The following GMNC variants were observed in gnomAD, a reference collection of about 807,000 sequenced individuals.
The protein encoded by GMNC is geminin coiled-coil domain-containing protein 1.
A neutral mutation model predicts 33.6 loss-of-function variants in GMNC; 16 were observed. The ratio of observed to expected loss-of-function variants is 0.48; its 90% CI spans 0.32 to 0.72. GMNC has a LOEUF of 0.72. Ranked by LOEUF, GMNC falls within the 30% of genes least tolerant of loss-of-function variation. The pLI is 0.03. For missense variants in GMNC, 393 were observed against 388.9 expected, an observed-to-expected ratio of 1.01 and a Z score of -0.09; for synonymous variants, 156 against 147.3, an observed-to-expected ratio of 1.06 and a Z score of -0.43.
chr3:190,852,151 TACCCTG>T (rs1224424920), downstream of GMNC, among the ~76,000 whole-genome samples: 4 of 152,138 alleles, frequency 2.6e-5, no homozygotes, highest in Admixed American at 2.6e-4. Flanking sequence ...TAAAATTATA[TACCCTG>T]ACCTTACAAG....
At chr3:190,850,229 C>G (rs1264424089), downstream of GMNC, among the ~76,000 whole-genome samples, 1 of 152,212 alleles carries the variant, frequency 6.6e-6, no homozygotes, top group African/African-American at 2.4e-5. Context: ...TTCCTCCATA[C>G]TTTACACTTC....
chr3:190,849,178 T>C (rs2108527489), downstream of GMNC, among the ~76,000 whole-genome samples: 1 of 152,262 alleles, frequency 6.6e-6, no homozygotes, highest in East Asian at 1.9e-4. Context: ...GACAACAGGA[T>C]TGGCTAGGTG....
At position 190,860,780 on chromosome 3, in the gene GMNC, C is replaced by T. The variant is rs183159491; in HGVS notation, c.82G>A (p.Glu28Lys). ...YNCPYSTTTSESSVDVSTETW... is the reference protein window; with the variant it reads ...YNCPYSTTTSKSSVDVSTETW... ...TCCGTGGAAACGTCAACACTAGATT[C>T]TGACGTTGTAGTGGAATACGGGCAA... is the stretch of plus-strand genomic sequence containing the variant. The change falls in exon 2 of 5, where the codon GAA becomes AAA. Residue 28 changes from glutamate (E) to lysine (K), a missense_variant. Glu to Lys is a moderately conservative substitution (Grantham distance 56). Coordinates refer to ENST00000442080, the MANE Select transcript of GMNC (RefSeq NM_001146686.3). The T allele has an allele frequency of 5.2e-6, 8 of 1,550,806 alleles. No homozygotes were observed. In the East Asian group the frequency reaches 7.3e-5, roughly 14 times the overall value.
downstream of GMNC, among the ~76,000 whole-genome samples, chr3:190,850,045 C>T (rs1341807436): frequency 6.6e-6 from 1 of 152,118 alleles, no homozygotes; most frequent in Non-Finnish European, 1.5e-5. Context: ...AGAAGCATAT[C>T]AATACTTTGG....
the GMNC span, among the ~76,000 whole-genome samples, chr3:190,845,028 G>T: frequency 6.6e-6 from 1 of 152,004 alleles, no homozygotes; most frequent in African/African-American, 2.4e-5. Context: ...TATTTACAAA[G>T]TAAACCACTC....
rs1246902166 is a variant in GMNC at position 190,853,310 on chromosome 3, C to T, written c.*1985G>A. The T allele has an allele frequency of 6.6e-6, 1 of 152,010 alleles. No homozygotes were observed. Among genetic ancestry groups the T allele is most frequent in the Non-Finnish European group, 1.5e-5 (1 of 67,946 alleles). The allele number at this position is 152,010 out of a possible 1,614,324, so 9.4% of individuals were successfully genotyped here. A position where few individuals can be genotyped will look rare whatever the true frequency, so the allele number is the denominator to read the frequency against. On this transcript the variant is annotated 3_prime_UTR_variant, in exon 5 of 5. Transcript: ENST00000442080. Reference sequence around the variant, plus strand: ...CCTAGTGTCATAAAGTACAATAATTCGAATCCTTAAATCTCTTATTCTAAA... The same window carrying T: ...CCTAGTGTCATAAAGTACAATAATTTGAATCCTTAAATCTCTTATTCTAAA...
In GMNC at chr3:190,861,659, C is replaced by A. The variant is rs564831398; in HGVS notation, c.4-801G>T. Among the ~76,000 whole-genome samples the A allele has an allele frequency of 1.3e-5, 2 of 152,258 alleles. No individual in the cohort carries two copies. Among genetic ancestry groups the A allele is most frequent in the South Asian group, 4.1e-4 (2 of 4,824 alleles). On this transcript the variant is annotated intron_variant, in intron 1 of 4. Coordinates refer to ENST00000442080, the MANE Select transcript of GMNC (RefSeq NM_001146686.3). This position sits in a 1 kb window ranked among gnomAD's most constrained non-coding sequence, Gnocchi z 5.1. ...TCTGTCCATCACTAGGGCTCAGTGC[C>A]CCTCCAAAGTTATCTTGCCATTAAC... is the stretch of plus-strand genomic sequence containing the variant.
chr3:190,851,987 A>G (rs568290157), downstream of GMNC, among the ~76,000 whole-genome samples: 1 of 150,184 alleles, frequency 6.7e-6, no homozygotes, highest in South Asian at 2.1e-4. Context: ...ATGTTTATAG[A>G]ACAAAAAACA....
At position 190,855,467 on chromosome 3, in the gene GMNC, G is replaced by A. The variant is rs1577910369; in HGVS notation, c.833C>T (p.Thr278Ile). 2 of 1,552,024 alleles carry A rather than the reference G, an allele frequency of 1.3e-6. No individual in the cohort carries two copies. The highest frequency in any genetic ancestry group is 2.4e-5 in the East Asian group (1 of 40,922). The change falls in exon 5 of 5, where the codon ACT (threonine) becomes ATT (isoleucine). Residue 278 changes from threonine (T) to isoleucine (I), a missense_variant. Coordinates refer to ENST00000442080, the MANE Select transcript of GMNC (RefSeq NM_001146686.3). ...QLSNPPVGLK[T>I]LPYYTAHVSP... ...CACATGAGCAGTATAGTAAGGAAGA[G>A]TTTTCAGCCCCACTGGGGGATTTGA...
chr3:190,850,861 A>G (rs1256255930), downstream of GMNC, among the ~76,000 whole-genome samples: 1 of 152,226 alleles, frequency 6.6e-6, no homozygotes, highest in Admixed American at 6.5e-5. Context: ...AAATAGAAAT[A>G]AAGACATGAA....
intron 1 of GMNC, 94 bp from the exon 2 acceptor site, chr3:190,860,952 C>A (rs1737851338): frequency 4.8e-6 from 4 of 827,332 alleles, no homozygotes; most frequent in African/African-American, 1.7e-5. Context: ...ACCGAAATTA[C>A]ATGCAGTGAA....
In GMNC at chr3:190,860,736, C is replaced by A; in HGVS notation, c.126G>T (p.Trp42Cys). 6.4e-7 allele frequency: 1 copy of A among 1,551,444 alleles called. No individual in the cohort carries two copies. ...DVSTETWVSF[W>C]AAGLLDNREL... Reference sequence around the variant, plus strand: ...CTCTGTTGTCCAGGAGACCAGCAGCCCAGAAAGAGACCCAAGTCTCCGTGG... The same window carrying A: ...CTCTGTTGTCCAGGAGACCAGCAGCACAGAAAGAGACCCAAGTCTCCGTGG... Residue 42 changes from tryptophan (W) to cysteine (C), a missense_variant, in exon 2 of 5, where the codon TGG (tryptophan) becomes TGT (cysteine). By Grantham distance (215) the Trp-to-Cys change is radical (BLOSUM62 -2). Transcript: ENST00000442080.
In GMNC at chr3:190,860,786, T is replaced by C; in HGVS notation, c.76A>G (p.Thr26Ala). 1 of 1,551,384 alleles carries C rather than the reference T, an allele frequency of 6.4e-7. No individual in the cohort carries two copies. The highest frequency in any genetic ancestry group is 1.4e-5 in the African/African-American group (1 of 73,090). Residue 26 changes from threonine to alanine, a missense_variant, in exon 2 of 5, where the codon ACG becomes GCG. Coordinates refer to ENST00000442080, the MANE Select transcript of GMNC (RefSeq NM_001146686.3). Reference sequence around the variant, plus strand: ...GAAACGTCAACACTAGATTCTGACGTTGTAGTGGAATACGGGCAATTATAG... The same window carrying C: ...GAAACGTCAACACTAGATTCTGACGCTGTAGTGGAATACGGGCAATTATAG... ...QSYNCPYSTT[T>A]SESSVDVSTE...
the GMNC span, among the ~76,000 whole-genome samples, chr3:190,844,474 G>T: frequency 6.6e-6 from 1 of 150,788 alleles, no homozygotes. Context: ...TTATATATAA[G>T]AATATATAAA....
the GMNC span, among the ~76,000 whole-genome samples, chr3:190,843,690 T>C: frequency 6.6e-6 from 1 of 152,164 alleles, no homozygotes; most frequent in African/African-American, 2.4e-5. Flanking sequence ...ATTCTTCTCA[T>C]ACGTACACAC....
At position 190,858,045 on chromosome 3, in the gene GMNC, T is replaced by TAAATTAAATCTACATCCCC. The variant is rs1461230002; in HGVS notation, c.268-165_268-147dup. ...CAGGGAGCCCTCATCCTGAGAGGCC[T>TAAATTAAATCTACATCCCC]AAATTAAATCTACATCCCCCTAATG... On this transcript the variant is annotated intron_variant, in intron 3 of 4. Transcript: ENST00000442080. The TAAATTAAATCTACATCCCC allele has an allele frequency of 9.8e-5, 60 of 614,246 alleles. 1 individual carries two copies. The Admixed American group carries it at 1.1e-3, about 12-fold the overall frequency. The allele number at this position is 614,246 out of a possible 1,614,324, so 38.0% of individuals were successfully genotyped here. A position where few individuals can be genotyped will look rare whatever the true frequency, so the allele number is the denominator to read the frequency against.
chr3:190,850,066 C>G (rs1269874207), downstream of GMNC, among the ~76,000 whole-genome samples: 2 of 152,116 alleles, frequency 1.3e-5, no homozygotes, highest in East Asian at 3.9e-4. Context: ...ACCATGATAG[C>G]CCGCTTTTCC....
intron 3 of GMNC, among the ~76,000 whole-genome samples, chr3:190,858,349 A>G (rs1479984452): frequency 6.6e-6 from 1 of 152,104 alleles, no homozygotes; most frequent in Non-Finnish European, 1.5e-5. Flanking sequence ...TTAAATATAG[A>G]AAATGATGTT....
chr3:190,851,628 T>C (rs1011277103), downstream of GMNC, among the ~76,000 whole-genome samples: 4 of 152,222 alleles, frequency 2.6e-5, no homozygotes, highest in African/African-American at 7.2e-5. Flanking sequence ...GCTGAGGCTA[T>C]AGCTGTTGAA....
Sources: gnomAD v4.1 joint callset for allele counts (sites outside exome capture counted in the v4.1 genomes callset) on GRCh38, gnomAD v4.1.1 for gene constraint, Gnocchi (gnomAD v3.1) non-coding constraint, MANE v1.5 for transcripts, NCBI Gene and HGNC (gene_info 2026-07-23, HGNC 2026-07-21) for gene names.